SPOCK1: variants seen among roughly 807,000 people sequenced by gnomAD.
SPOCK1 encodes the protein SPARC (osteonectin), cwcv and kazal like domains proteoglycan 1.
SPOCK1 carries 23 observed loss-of-function variants against 55.3 expected under a neutral mutation model. The observed-to-expected ratio is 0.42, with a 90% CI of 0.30 to 0.59. The LOEUF (loss-of-function observed/expected upper bound fraction) is 0.59. Among genes scored for constraint, SPOCK1 ranks in the 20% least tolerant of loss-of-function variants. SPOCK1 has a pLI of 0.22. For missense variants in SPOCK1, 499 were observed against 552.5 expected, an observed-to-expected ratio of 0.90 and a Z score of 0.97; for synonymous variants, 226 against 221.0, an observed-to-expected ratio of 1.02 and a Z score of -0.20.
At chr5:137,239,478 A>G (rs896530298) in intron 3 of SPOCK1, among the ~76,000 whole-genome samples, 1 of 152,188 alleles carries the variant, frequency 6.6e-6, no homozygotes, top group African/African-American at 2.4e-5. Flanking sequence ...GAGGTGTGGG[A>G]ACTCCTGAAT....
At chr5:137,157,680 A>G (rs13354727) in intron 3 of SPOCK1, among the ~76,000 whole-genome samples, 35,674 of 152,094 alleles carry the variant, frequency 0.23, 4,549 homozygotes, top group Non-Finnish European at 0.29. Context: ...CCCAGGCACT[A>G]ACCTCTGAAA....
At chr5:137,471,025 T>C (rs1753728705) in intron 2 of SPOCK1, among the ~76,000 whole-genome samples, 1 of 152,218 alleles carries the variant, frequency 6.6e-6, no homozygotes, top group Non-Finnish European at 1.5e-5. Flanking sequence ...GAGTTAATTG[T>C]AATATGAGTT....
chr5:137,422,187 A>T (rs181978824), intron 2 of SPOCK1, among the ~76,000 whole-genome samples: 4 of 151,392 alleles, frequency 2.6e-5, no homozygotes, highest in African/African-American at 4.8e-5. Context: ...TGATGGGGTA[A>T]CCCAACCTTT....
rs1043929322 is a variant in SPOCK1 at position 137,186,144 on chromosome 5, C to T, written c.233-45450G>A. 2.4e-4 allele frequency among the ~76,000 whole-genome samples: 37 copies of T among 152,324 alleles called. 2 individuals carry two copies. Among genetic ancestry groups the T allele is most frequent in the Admixed American group, 1.1e-3 (17 of 15,306 alleles). On this transcript the variant is annotated intron_variant, in intron 3 of 10. Transcript: ENST00000394945. ...TAGACTTGAGTCACCCCGTCTTTAA[C>T]AACTCTCAGTCCCATATCCCCCTTC...
intron 1 of SPOCK1, 52 bp from the exon 2 acceptor site, chr5:137,498,610 G>A: frequency 8.0e-7 from 1 of 1,255,762 alleles, no homozygotes; most frequent in East Asian, 3.3e-5. Context: ...GCGGCCGCGA[G>A]CCCCGGGCAC....
intron 2 of SPOCK1, among the ~76,000 whole-genome samples, chr5:137,400,944 C>T (rs1220925806): frequency 6.6e-6 from 1 of 152,220 alleles, no homozygotes; most frequent in Non-Finnish European, 1.5e-5. Context: ...CCCAGCAGAG[C>T]ACCCGCTGGA....
chr5:136,977,455 C>A lies in SPOCK1; in HGVS notation c.*1199G>T. On this transcript the variant is annotated 3_prime_UTR_variant, in exon 11 of 11. Coordinates refer to ENST00000394945, the MANE Select transcript of SPOCK1 (RefSeq NM_004598.4). ...AAAAAATCTGTACAGCTTTTGTGCCCTTATCATGATTTGTCAGTAGAAAGG... is the reference window on the plus strand; with the variant it reads ...AAAAAATCTGTACAGCTTTTGTGCCATTATCATGATTTGTCAGTAGAAAGG... 1 of 196,070 alleles carries A rather than the reference C, an allele frequency of 5.1e-6. No individual in the cohort carries two copies. The highest frequency in any genetic ancestry group is 1.0e-5 in the Non-Finnish European group (1 of 97,422). The allele number at this position is 196,070 out of a possible 1,614,324, so 12.1% of individuals were successfully genotyped here. A position where few individuals can be genotyped will look rare whatever the true frequency, so the allele number is the denominator to read the frequency against.
intron 3 of SPOCK1, among the ~76,000 whole-genome samples, chr5:137,183,280 T>C (rs1481831649): frequency 6.6e-6 from 1 of 152,056 alleles, no homozygotes; most frequent in African/African-American, 2.4e-5. Context: ...TGAAGCAACA[T>C]GCATGGGGTC....
At chr5:137,201,004 T>A (rs1755415934) in intron 3 of SPOCK1, among the ~76,000 whole-genome samples, 1 of 152,242 alleles carries the variant, frequency 6.6e-6, no homozygotes, top group South Asian at 2.1e-4. Context: ...GCCGGGGATT[T>A]GTCCACTGGC....
chr5:137,112,012 G>T (rs553591012), intron 5 of SPOCK1, among the ~76,000 whole-genome samples: 1 of 152,058 alleles, frequency 6.6e-6, no homozygotes, highest in Non-Finnish European at 1.5e-5. Context: ...TGCAGTAAGT[G>T]TGAATTAGGT....
chr5:137,458,169 A>G (rs1753406942), intron 2 of SPOCK1, among the ~76,000 whole-genome samples: 1 of 152,218 alleles, frequency 6.6e-6, no homozygotes, highest in Non-Finnish European at 1.5e-5. Context: ...AAGAACCCAC[A>G]TAAATAGACA....
intron 6 of SPOCK1, among the ~76,000 whole-genome samples, chr5:137,044,324 T>C (rs1296722448): frequency 4.6e-5 from 7 of 152,190 alleles, no homozygotes; most frequent in Non-Finnish European, 8.8e-5. Flanking sequence ...AGGGACTTCT[T>C]AGCAAAGTAT....
At chr5:137,211,610 CCAAGATAGCTT>C (rs1755616446) in intron 3 of SPOCK1, among the ~76,000 whole-genome samples, 1 of 151,980 alleles carries the variant, frequency 6.6e-6, no homozygotes, top group Non-Finnish European at 1.5e-5. Flanking sequence ...GTTGGGGGCC[CCAAGATAGCTT>C]CAAGATGGGG....
At position 137,330,896 on chromosome 5, in the gene SPOCK1, T is replaced by C. The variant is rs570486414; in HGVS notation, c.187-63841A>G. ...TATTATATCAGGTAACTGTGATAAG[T>C]ACTATGCACATTATACGATTTAATC... is the stretch of plus-strand genomic sequence containing the variant. On this transcript the variant is annotated intron_variant, in intron 2 of 10. Transcript: ENST00000394945. Among the ~76,000 whole-genome samples the C allele has an allele frequency of 2.0e-5, 3 of 152,348 alleles. No homozygotes were observed. In the East Asian group the frequency reaches 5.8e-4, roughly 29 times the overall value.
chr5:137,019,771 G>T (rs1751531847), intron 6 of SPOCK1, among the ~76,000 whole-genome samples: 1 of 151,932 alleles, frequency 6.6e-6, no homozygotes, highest in African/African-American at 2.4e-5. Flanking sequence ...CCACAGACAG[G>T]ACTTCTGAAG....
At chr5:137,112,330 C>T in intron 5 of SPOCK1, 105 bp downstream of exon 5, 2 of 1,440,408 alleles carry the variant, frequency 1.4e-6, no homozygotes, top group Non-Finnish European at 1.9e-6. Context: ...AAGGGCAAGG[C>T]CTGGAGCCCA....
intron 2 of SPOCK1, among the ~76,000 whole-genome samples, chr5:137,488,914 C>T (rs536587641): frequency 9.2e-5 from 14 of 152,222 alleles, no homozygotes; most frequent in African/African-American, 3.1e-4. Flanking sequence ...GTCCGCCCTT[C>T]CTCCCTTTCC....
At chr5:137,209,152 A>T (rs527305951) in intron 3 of SPOCK1, among the ~76,000 whole-genome samples, 5 of 152,336 alleles carry the variant, frequency 3.3e-5, no homozygotes, top group East Asian at 1.9e-4. Flanking sequence ...ACATCTTTTT[A>T]AAAAATTTCT....
At chr5:137,154,993 C>T (rs1754387864) in intron 3 of SPOCK1, among the ~76,000 whole-genome samples, 1 of 152,192 alleles carries the variant, frequency 6.6e-6, no homozygotes, top group Admixed American at 6.6e-5. Context: ...CACTGTGTGA[C>T]CTTGGGCAAG....
Sources: gnomAD v4.1 joint callset for allele counts (sites outside exome capture counted in the v4.1 genomes callset) on GRCh38, gnomAD v4.1.1 for gene constraint, MANE v1.5 for transcripts, NCBI Gene and HGNC (gene_info 2026-07-23, HGNC 2026-07-21) for gene names.